The following PKNOX2 variants were observed in gnomAD, a reference collection of about 807,000 sequenced individuals.
PKNOX2 encodes the protein homeobox protein PKNOX2.
PKNOX2 carries 14 observed loss-of-function variants against 53.1 expected under a neutral mutation model. The ratio of observed to expected loss-of-function variants is 0.26; its 90% confidence interval spans 0.17 to 0.41. The LOEUF is 0.41. Among genes scored for constraint, PKNOX2 ranks in the 10% least tolerant of loss-of-function variants. The pLI, the probability that PKNOX2 is intolerant of heterozygous loss-of-function variation, is 1.00. For missense variants in PKNOX2, 496 were observed against 602.8 expected (o/e 0.82, Z 1.85); for synonymous variants, 257 against 242.8 (o/e 1.06, Z -0.54).
At chr11:125,367,316 C>T (rs935685807) in intron 4 of PKNOX2, among the ~76,000 whole-genome samples, 6 of 152,182 alleles carry the variant, frequency 3.9e-5, no homozygotes, top group African/African-American at 1.2e-4. Flanking sequence ...CTAAAGCCTG[C>T]TTATCTTGAA....
Position 125,371,194 on chromosome 11 carries a change from A to T in PKNOX2, c.227+3209A>T, listed in dbSNP as rs1336055459. ...AAAGCAACCAGGGGCTCCGGCTCAG[A>T]TTAATGATTGCAGTCTAATCCGAGC... On this transcript the variant is annotated intron_variant, in intron 5 of 12. Coordinates refer to ENST00000298282, the MANE Select transcript of PKNOX2 (RefSeq NM_001382323.2). 2.6e-5 allele frequency among the ~76,000 whole-genome samples: 4 copies of T among 152,296 alleles called. No homozygotes were observed. The East Asian group carries it at 7.7e-4, about 29-fold the overall frequency.
chr11:125,174,770 G>A (rs544965628), intron 1 of PKNOX2, among the ~76,000 whole-genome samples: 25 of 152,278 alleles, frequency 1.6e-4, no homozygotes, highest in African/African-American at 5.5e-4. Flanking sequence ...AGGCAGGAGA[G>A]CCTGGCAGAG....
At chr11:125,318,715 G>A (rs570460793) in intron 2 of PKNOX2, among the ~76,000 whole-genome samples, 13 of 152,180 alleles carry the variant, frequency 8.5e-5, no homozygotes, top group Admixed American at 2.6e-4. Flanking sequence ...GATATGGTTC[G>A]GCTCTTTGTC....
intron 3 of PKNOX2, among the ~76,000 whole-genome samples, chr11:125,341,049 CAAAAAAAAAA>C (rs58556639): frequency 2.2e-5 from 1 of 46,072 alleles, no homozygotes; most frequent in Non-Finnish European, 4.4e-5. Context: ...GACTCCATCT[CAAAAAAAAAA>C]AAAAAAAAAA....
At chr11:125,244,709 C>T (rs970256678) in intron 2 of PKNOX2, among the ~76,000 whole-genome samples, 1 of 152,220 alleles carries the variant, frequency 6.6e-6, no homozygotes, top group African/African-American at 2.4e-5. Flanking sequence ...ACATCTGTGT[C>T]CCACATCCAC....
At chr11:125,316,943 T>G (rs2136041963) in intron 2 of PKNOX2, among the ~76,000 whole-genome samples, 1 of 152,344 alleles carries the variant, frequency 6.6e-6, no homozygotes. Context: ...CAGTAGAACT[T>G]TTTTCAAACT....
At chr11:125,210,719 C>G (rs533687172) in intron 1 of PKNOX2, among the ~76,000 whole-genome samples, 1 of 152,058 alleles carries the variant, frequency 6.6e-6, no homozygotes, top group African/African-American at 2.4e-5. Flanking sequence ...CACACCAAGA[C>G]GAGTTGTCAC....
chr11:125,383,943 A>AAAACAAAAC (rs374038174), intron 5 of PKNOX2, among the ~76,000 whole-genome samples: 1 of 152,080 alleles, frequency 6.6e-6, no homozygotes, highest in African/African-American at 2.4e-5. Flanking sequence ...AAAAAACAAA[A>AAAACAAAAC]AAAACAAAAC....
intron 1 of PKNOX2, among the ~76,000 whole-genome samples, chr11:125,193,617 C>T (rs959865546): frequency 2.1e-4 from 32 of 152,290 alleles, no homozygotes; most frequent in African/African-American, 6.5e-4. Flanking sequence ...TTGTCCCATG[C>T]GTGGGATAAC....
intron 2 of PKNOX2, among the ~76,000 whole-genome samples, chr11:125,269,630 G>A (rs1440921037): frequency 1.3e-5 from 2 of 152,156 alleles, no homozygotes; most frequent in Middle Eastern, 3.2e-3. Flanking sequence ...GTTGATGGAT[G>A]GAGATGGTAC....
intron 3 of PKNOX2, among the ~76,000 whole-genome samples, chr11:125,349,113 A>G (rs1428108310): frequency 1.3e-5 from 2 of 152,214 alleles, no homozygotes; most frequent in African/African-American, 4.8e-5. Flanking sequence ...AGGCCCCTGA[A>G]ACATTCCTAT....
At chr11:125,373,861 G>T (rs755656109) in intron 5 of PKNOX2, among the ~76,000 whole-genome samples, 1 of 152,178 alleles carries the variant, frequency 6.6e-6, no homozygotes, top group Non-Finnish European at 1.5e-5. Context: ...GGATTTGACC[G>T]CAGAGCTTCA....
intron 2 of PKNOX2, among the ~76,000 whole-genome samples, chr11:125,310,965 C>A (rs1409366926): frequency 1.3e-5 from 2 of 151,558 alleles, no homozygotes; most frequent in South Asian, 2.1e-4. Context: ...ATTTTTTTTT[C>A]TTTCCATTTT....
chr11:125,182,469 T>G (rs1956209321), intron 1 of PKNOX2, among the ~76,000 whole-genome samples: 1 of 152,232 alleles, frequency 6.6e-6, no homozygotes, highest in Admixed American at 6.5e-5. Context: ...ACCTTAACTT[T>G]GGCCAAATGT....
chr11:125,289,934 G>C (rs1038958081), intron 2 of PKNOX2, among the ~76,000 whole-genome samples: 3 of 152,172 alleles, frequency 2.0e-5, no homozygotes, highest in Non-Finnish European at 4.4e-5. Flanking sequence ...GCCCTTGAGG[G>C]CTGGGTCTTT....
chr11:125,390,691 C>G (rs1953996305), intron 6 of PKNOX2, among the ~76,000 whole-genome samples: 1 of 152,162 alleles, frequency 6.6e-6, no homozygotes, highest in African/African-American at 2.4e-5. Context: ...ACCCTATAGC[C>G]AATAAATTAC....
rs116246410 is a variant in PKNOX2 at position 125,262,968 on chromosome 11, G to A, written c.-130+27853G>A. On this transcript the variant is annotated intron_variant, in intron 2 of 12. Coordinates refer to ENST00000298282, the MANE Select transcript of PKNOX2 (RefSeq NM_001382323.2). ...CGCCCTCCCCGAGGTTGTGCCGGGA[G>A]TAATGCTGGTTAAATGCTGCTGTCT... Among the ~76,000 whole-genome samples, 1,467 of 152,290 alleles carry A rather than the reference G, an allele frequency of 9.6e-3. 21 individuals are homozygous for A. Among genetic ancestry groups the A allele is most frequent in the African/African-American group, 0.028 (1,159 of 41,552 alleles).
At chr11:125,178,014 G>A (rs947478372) in intron 1 of PKNOX2, among the ~76,000 whole-genome samples, 5 of 152,180 alleles carry the variant, frequency 3.3e-5, no homozygotes, top group Admixed American at 1.3e-4. Flanking sequence ...GACATTGAGC[G>A]AGGTATTTTA....
Position 125,329,032 on chromosome 11 carries a change from G to A in PKNOX2, c.-129-2787G>A, listed in dbSNP as rs191662151. ...TCCTAAGAAAATGATCAAGTCTGGA[G>A]CAAGAGTCCACTGCAAGAATAGTCA... On this transcript the variant is annotated intron_variant, in intron 2 of 12. Transcript: ENST00000298282. Among the ~76,000 whole-genome samples the A allele has an allele frequency of 1.0e-3, 156 of 152,316 alleles. 1 individual carries two copies. The highest frequency in any genetic ancestry group is 3.6e-3 in the African/African-American group (148 of 41,560).
Sources: gnomAD v4.1 joint callset for allele counts (sites outside exome capture counted in the v4.1 genomes callset) on GRCh38, gnomAD v4.1.1 for gene constraint, MANE v1.5 for transcripts, NCBI Gene and HGNC (gene_info 2026-07-23, HGNC 2026-07-21) for gene names.